The following SUSD3 variants were observed in gnomAD, a reference collection of about 807,000 sequenced individuals.
The protein encoded by SUSD3 is sushi domain containing 3.
In SUSD3, 18 loss-of-function variants were observed where a neutral mutation model predicts 20.6. That is an observed-to-expected ratio of 0.87 (90% CI 0.60 to 1.30). The LOEUF (loss-of-function observed/expected upper bound fraction) is 1.30. SUSD3 is among the 50% of genes most tolerant of loss of function. The pLI, the probability that SUSD3 is intolerant of heterozygous loss-of-function variation, is 0.00. For synonymous variants in SUSD3, 137 were observed against 141.5 expected, an observed-to-expected ratio of 0.97 and a Z score of 0.23; for missense variants, 306 against 346.9, an observed-to-expected ratio of 0.88 and a Z score of 0.94.
chr9:93,073,324 G>T (rs1825986594), intron 1 of SUSD3, among the ~76,000 whole-genome samples: 1 of 146,732 alleles, frequency 6.8e-6, no homozygotes, highest in Admixed American at 7.1e-5. Context: ...TCGGCTCACT[G>T]CAAGCTCTGC....
In SUSD3 at chr9:93,058,753, C is replaced by G. The variant is rs940036240; in HGVS notation, c.11C>G (p.Ala4Gly). ...CTCGGAGCGCGCAGGATGCGCTGGG[C>G]GGCCGCCACCCTCCGTGGCAAGGCG... MRW[A>G]AATLRGKARP... The change falls in exon 1 of 5, where the codon GCG becomes GGG. Residue 4 changes from alanine to glycine, a missense_variant. Transcript: ENST00000375472. The G allele has an allele frequency of 2.4e-6, 3 of 1,235,732 alleles. No homozygotes were observed. The highest frequency in any genetic ancestry group is 6.3e-5 in the East Asian group (2 of 31,642). 76.5% of individuals were successfully genotyped at this position (1,235,732 alleles called of 1,614,324 possible).
At chr9:93,074,065 ATCT>A (rs1826022192) in intron 1 of SUSD3, among the ~76,000 whole-genome samples, 2 of 152,154 alleles carry the variant, frequency 1.3e-5, no homozygotes, top group Non-Finnish European at 1.5e-5. Flanking sequence ...AGCCACAGTA[ATCT>A]TCTCAGTCCC....
intron 4 of SUSD3, among the ~76,000 whole-genome samples, chr9:93,081,359 G>A (rs1477167664): frequency 6.6e-6 from 1 of 152,126 alleles, no homozygotes; most frequent in Non-Finnish European, 1.5e-5. Flanking sequence ...GGAGTCTTTC[G>A]AGGCTGCAGT....
chr9:93,077,532 C>G (rs1826215670), intron 2 of SUSD3, among the ~76,000 whole-genome samples: 1 of 152,142 alleles, frequency 6.6e-6, no homozygotes, highest in South Asian at 2.1e-4. Flanking sequence ...CACTCCTACA[C>G]ACCCTGGAAA....
At chr9:93,071,792 A>G (rs536685011) in intron 1 of SUSD3, among the ~76,000 whole-genome samples, 10 of 152,254 alleles carry the variant, frequency 6.6e-5, no homozygotes, top group African/African-American at 2.4e-4. Context: ...TTCAGTGGTG[A>G]TCACATTTCC....
At chr9:93,066,089 C>A (rs956933754) in intron 1 of SUSD3, among the ~76,000 whole-genome samples, 6 of 152,198 alleles carry the variant, frequency 3.9e-5, no homozygotes, top group Non-Finnish European at 8.8e-5. Flanking sequence ...CTCCATCCCC[C>A]TGAAGGGCAG....
intron 1 of SUSD3, among the ~76,000 whole-genome samples, chr9:93,074,504 C>T (rs1826045877): frequency 6.6e-6 from 1 of 151,136 alleles, no homozygotes; most frequent in Non-Finnish European, 1.5e-5. Context: ...TCTGGATGGC[C>T]CTGGGTAAGG....
chr9:93,069,054 C>G, intron 1 of SUSD3: 1 of 698,824 alleles, frequency 1.4e-6, no homozygotes, highest in Non-Finnish European at 2.6e-6. Context: ...ACCCTTCTTG[C>G]GATGATGTGA....
At chr9:93,078,806 C>T (rs6479449) in intron 3 of SUSD3, among the ~76,000 whole-genome samples, 36,034 of 148,204 alleles carry the variant, frequency 0.24, 5,495 homozygotes, top group African/African-American at 0.44. Context: ...AAAACTTAAC[C>T]TTTTTTTTTT....
intron 1 of SUSD3, among the ~76,000 whole-genome samples, chr9:93,062,618 G>A (rs1825552414): frequency 6.6e-6 from 1 of 152,180 alleles, no homozygotes; most frequent in African/African-American, 2.4e-5. Context: ...GGGAGTTCAT[G>A]AGTATTTGAA....
intron 1 of SUSD3, among the ~76,000 whole-genome samples, chr9:93,068,078 G>A (rs781366509): frequency 7.9e-5 from 12 of 152,126 alleles, no homozygotes; most frequent in Non-Finnish European, 7.4e-5. Context: ...TAATTGAATT[G>A]TAATAATTCT....
At chr9:93,072,184 C>T (rs1275652627) in intron 1 of SUSD3, among the ~76,000 whole-genome samples, 2 of 152,134 alleles carry the variant, frequency 1.3e-5, no homozygotes, top group Non-Finnish European at 2.9e-5. Context: ...CACCCCTCTT[C>T]CCTTGCTAGC....
At chr9:93,074,679 A>G (rs1238110511) in intron 1 of SUSD3, among the ~76,000 whole-genome samples, 2 of 127,838 alleles carry the variant, frequency 1.6e-5, no homozygotes, top group East Asian at 4.8e-4. Context: ...GAGTGCAGTG[A>G]TCTTGGCTCA....
chr9:93,059,108 A>T (rs1825402391), intron 1 of SUSD3, among the ~76,000 whole-genome samples: 1 of 152,064 alleles, frequency 6.6e-6, no homozygotes, highest in Non-Finnish European at 1.5e-5. Flanking sequence ...GCGTCTGCGG[A>T]CAGCGCGGCC....
At chr9:93,080,251 G>A (rs527941109) in intron 4 of SUSD3, among the ~76,000 whole-genome samples, 165 of 151,144 alleles carry the variant, frequency 1.1e-3, no homozygotes, top group African/African-American at 3.8e-3. Context: ...CCCAGGAGGC[G>A]GAGCTTGTAG....
rs565675056 is a variant in SUSD3, at chr9:93,082,735, C to G, written c.558-1802C>G. Among the ~76,000 whole-genome samples, 4 of 152,334 alleles carry G rather than the reference C, an allele frequency of 2.6e-5. No individual in the cohort carries two copies. In the East Asian group the frequency reaches 7.7e-4, roughly 29 times the overall value. ...TCCATTGCCCCACCTGTGATCCCCA[C>G]TCCCCATTACAGCACTGGGACCAGA... On this transcript the variant is annotated intron_variant, in intron 4 of 4. Transcript: ENST00000375472.
rs544281707 is a variant in SUSD3, at chr9:93,071,279, C to T, written c.89-4505C>T. Among the ~76,000 whole-genome samples the T allele has an allele frequency of 3.9e-5, 6 of 152,202 alleles. No homozygotes were observed. The South Asian group carries it at 1.2e-3, about 31-fold the overall frequency. ...GCCTGCAAGCTAAGGAGCAAGGAAGCCAGTCTGAGTCCTAAAACCTCAAAA... is the reference window on the plus strand; with the variant it reads ...GCCTGCAAGCTAAGGAGCAAGGAAGTCAGTCTGAGTCCTAAAACCTCAAAA... On this transcript the variant is annotated intron_variant, in intron 1 of 4. Coordinates refer to ENST00000375472, the MANE Select transcript of SUSD3 (RefSeq NM_145006.4).
At chr9:93,063,173 T>C (rs60481048) in intron 1 of SUSD3, among the ~76,000 whole-genome samples, 18,669 of 152,148 alleles carry the variant, frequency 0.12, 1,258 homozygotes, top group South Asian at 0.18. Context: ...AGGTCCCCTG[T>C]ATGCTGCAGA....
rs773016833 is a variant in SUSD3, at chr9:93,077,948, GCCT to G, written c.385_387del (p.Leu129del). On this transcript the variant is annotated inframe_deletion, in exon 3 of 5. Coordinates refer to ENST00000375472, the MANE Select transcript of SUSD3 (RefSeq NM_145006.4). ...ATGTCCATGGCCTTCCTCACCTGCTGCCTCCTCAAGTGCGTGAAGAAGAGCAAG... is the reference window on the plus strand; with the variant it reads ...ATGTCCATGGCCTTCCTCACCTGCTGCCTCAAGTGCGTGAAGAAGAGCAAG... 3.7e-6 allele frequency: 6 copies of G among 1,614,238 alleles called. No homozygotes were observed. The highest frequency in any genetic ancestry group is 5.1e-6 in the Non-Finnish European group (6 of 1,180,052).
Sources: gnomAD v4.1 joint callset for allele counts (sites outside exome capture counted in the v4.1 genomes callset) on GRCh38, gnomAD v4.1.1 for gene constraint, MANE v1.5 for transcripts, NCBI Gene and HGNC (gene_info 2026-07-23, HGNC 2026-07-21) for gene names.